Variants in DACH1 observed in about 807,000 individuals in gnomAD.
DACH1 encodes dachshund homolog 1.
Under a neutral mutation model 54.2 loss-of-function variants are expected in DACH1, and 12 were observed. That is an observed-to-expected ratio of 0.22 (90% CI 0.14 to 0.36). The LOEUF is 0.36. Among genes scored for constraint, DACH1 ranks in the 10% least tolerant of loss-of-function variants. DACH1 has a pLI of 1.00. For synonymous variants in DACH1, 386 were observed against 366.2 expected, an observed-to-expected ratio of 1.05 and a Z score of -0.62; for missense variants, 805 against 929.8, an observed-to-expected ratio of 0.87 and a Z score of 1.75.
intron 1 of DACH1, among the ~76,000 whole-genome samples, chr13:71,723,739 G>T (rs1883343844): frequency 6.6e-6 from 1 of 152,126 alleles, no homozygotes; most frequent in Admixed American, 6.5e-5. Context: ...TTTCCAGTCT[G>T]AAGTGCAGTG....
intron 4 of DACH1, among the ~76,000 whole-genome samples, 176 bp from the exon 5 acceptor site, chr13:71,560,131 TA>T (rs539496536): frequency 6.6e-6 from 1 of 152,056 alleles, no homozygotes; most frequent in Non-Finnish European, 1.5e-5. Context: ...CCAAATAAAG[TA>T]GAAAAAGATG....
At chr13:71,707,919 T>C (rs1353224074) in intron 1 of DACH1, among the ~76,000 whole-genome samples, 1 of 152,114 alleles carries the variant, frequency 6.6e-6, no homozygotes, top group African/African-American at 2.4e-5. Flanking sequence ...CCTCCCACTA[T>C]TTGGCTTTTA....
chr13:71,527,922 C>T (rs1435507203), intron 6 of DACH1, among the ~76,000 whole-genome samples: 3 of 151,354 alleles, frequency 2.0e-5, no homozygotes, highest in African/African-American at 7.3e-5. Context: ...AATTTGTTAA[C>T]ACTTTTTTTT....
At chr13:71,822,053 C>T (rs2138185069) in intron 1 of DACH1, among the ~76,000 whole-genome samples, 1 of 151,816 alleles carries the variant, frequency 6.6e-6, no homozygotes, top group Admixed American at 6.6e-5. Context: ...GAGCGAGATT[C>T]CATCAAAAAA....
chr13:71,837,255 AG>A (rs1594282900), intron 1 of DACH1, among the ~76,000 whole-genome samples: 1 of 152,168 alleles, frequency 6.6e-6, no homozygotes, highest in African/African-American at 2.4e-5. Context: ...AATATATAAA[AG>A]CATTTATTTC....
chr13:71,648,622 T>C (rs1878464364), intron 2 of DACH1, among the ~76,000 whole-genome samples: 1 of 152,214 alleles, frequency 6.6e-6, no homozygotes, highest in Admixed American at 6.5e-5. Context: ...CTAAGAGCTG[T>C]GTTCCAATCC....
intron 3 of DACH1, among the ~76,000 whole-genome samples, chr13:71,589,531 C>T (rs952915637): frequency 6.6e-6 from 1 of 151,778 alleles, no homozygotes; most frequent in East Asian, 1.9e-4. Context: ...AAATTATATA[C>T]TCATTTTGTA....
intron 10 of DACH1, among the ~76,000 whole-genome samples, chr13:71,461,673 G>C (rs2138140444): frequency 6.6e-6 from 1 of 151,980 alleles, no homozygotes; most frequent in Admixed American, 6.6e-5. Context: ...TCTCATTAGT[G>C]AAATTTCTCT....
chr13:71,852,253 C>T (rs1873715024), intron 1 of DACH1, among the ~76,000 whole-genome samples: 1 of 152,192 alleles, frequency 6.6e-6, no homozygotes. Flanking sequence ...AGTTCAGTCC[C>T]TTCCTTGCTC....
intron 10 of DACH1, among the ~76,000 whole-genome samples, chr13:71,452,812 C>T (rs1875190875): frequency 6.6e-6 from 1 of 152,146 alleles, no homozygotes; most frequent in East Asian, 1.9e-4. Context: ...TAACTATTAC[C>T]TGTTACTGAG....
intron 1 of DACH1, among the ~76,000 whole-genome samples, chr13:71,769,317 C>A (rs1382665376): frequency 2.0e-5 from 3 of 151,582 alleles, no homozygotes; most frequent in Non-Finnish European, 4.4e-5. Context: ...TAGGTTTATT[C>A]TAACAAAGTG....
At chr13:71,837,527 T>G (rs909368882) in intron 1 of DACH1, among the ~76,000 whole-genome samples, 7 of 152,024 alleles carry the variant, frequency 4.6e-5, no homozygotes, top group African/African-American at 1.7e-4. Context: ...GTATAGATAG[T>G]CAACATTGGT....
At chr13:71,442,041 C>G (rs1874051945) in intron 10 of DACH1, among the ~76,000 whole-genome samples, 1 of 152,044 alleles carries the variant, frequency 6.6e-6, no homozygotes, top group African/African-American at 2.4e-5. Flanking sequence ...CTCTGTGTTA[C>G]AAACAATCCA....
At chr13:71,692,007 C>T (rs1472380515) in intron 1 of DACH1, among the ~76,000 whole-genome samples, 1 of 127,340 alleles carries the variant, frequency 7.9e-6, no homozygotes, top group African/African-American at 3.0e-5. Context: ...CATAGCCCCC[C>T]ATTACACACA....
intron 1 of DACH1, among the ~76,000 whole-genome samples, chr13:71,766,785 A>G (rs567301929): frequency 9.9e-5 from 15 of 152,260 alleles, no homozygotes; most frequent in African/African-American, 3.1e-4. Flanking sequence ...AAACAATTTC[A>G]ATACATGAAA....
chr13:71,740,798 GAT>G (rs1209267494), intron 1 of DACH1, among the ~76,000 whole-genome samples: 1 of 152,222 alleles, frequency 6.6e-6, no homozygotes, highest in East Asian at 1.9e-4. Flanking sequence ...ATCACATGAT[GAT>G]ATGATGTATA....
At chr13:71,784,792 A>G (rs1341125217) in intron 1 of DACH1, among the ~76,000 whole-genome samples, 1 of 152,160 alleles carries the variant, frequency 6.6e-6, no homozygotes, top group East Asian at 1.9e-4. Flanking sequence ...AAAAATAATC[A>G]GGTTCCCCAG....
intron 3 of DACH1, among the ~76,000 whole-genome samples, chr13:71,598,587 T>C (rs1874280020): frequency 6.6e-6 from 1 of 152,152 alleles, no homozygotes; most frequent in African/African-American, 2.4e-5. Context: ...CACTCTTTTG[T>C]GATGTAGAAA....
At chr13:71,807,179 T>C (rs1393688598) in intron 1 of DACH1, among the ~76,000 whole-genome samples, 1 of 152,150 alleles carries the variant, frequency 6.6e-6, no homozygotes, top group African/African-American at 2.4e-5. Context: ...GTAATATTTG[T>C]GCTATATTAA....
Sources: gnomAD v4.1 joint callset for allele counts (sites outside exome capture counted in the v4.1 genomes callset) on GRCh38, gnomAD v4.1.1 for gene constraint, MANE v1.5 for transcripts, NCBI Gene and HGNC (gene_info 2026-07-23, HGNC 2026-07-21) for gene names.